Variants in CP observed in about 807,000 individuals in gnomAD.
CP encodes ceruloplasmin.
In CP, 64 loss-of-function variants were observed where a neutral mutation model predicts 122.4. The ratio of observed to expected loss-of-function variants is 0.52; its 90% CI spans 0.43 to 0.64. The LOEUF (loss-of-function observed/expected upper bound fraction) is 0.64, where lower values mean the gene tolerates loss of function less well. Ranked by LOEUF, CP falls within the 30% of genes least tolerant of loss-of-function variation. The pLI is 0.00. For synonymous variants in CP, 440 were observed against 436.4 expected (o/e 1.01, Z -0.10); for missense variants, 1,167 against 1,284.4 (o/e 0.91, Z 1.40).
intron 2 of CP, among the ~76,000 whole-genome samples, chr3:149,211,395 C>T (rs147946431): frequency 6.6e-5 from 10 of 152,284 alleles, no homozygotes; most frequent in African/African-American, 2.4e-4. Context: ...TCCAAGGTCA[C>T]TCAAACAGTG....
At position 149,202,231 on chromosome 3, in the gene CP, C is replaced by T; in HGVS notation, c.1219G>A (p.Val407Met). 6.2e-7 allele frequency: 1 copy of T among 1,614,154 alleles called. No homozygotes were observed. The highest frequency in any genetic ancestry group is 8.5e-7 in the Non-Finnish European group (1 of 1,180,024). ...NLTAPGSDSAVFFEQGTTRIG... is the reference protein window; with the variant it reads ...NLTAPGSDSAMFFEQGTTRIG... ...CTTGTGGTACCTTGTTCAAAAAACA[C>T]CGCTGAGTCACTGCAGGGGGAAAAA... Residue 407 changes from valine to methionine, a missense_variant, in exon 7 of 19, where the codon GTG becomes ATG. Val to Met is a conservative substitution (Grantham distance 21). Coordinates refer to ENST00000264613, the MANE Select transcript of CP (RefSeq NM_000096.4).
At chr3:149,186,823 T>C in intron 10 of CP, 91 bp from the exon 11 acceptor site, 1 of 1,251,688 alleles carries the variant, frequency 8.0e-7, no homozygotes. Context: ...TTTGTTTTTT[T>C]AATTTTTAAA....
chr3:149,182,489 A>G (rs34171195), intron 13 of CP, among the ~76,000 whole-genome samples: 5,789 of 152,190 alleles, frequency 0.038, 164 homozygotes, highest in Non-Finnish European at 0.06. Context: ...TCCAGCAACA[A>G]TGCCATTTTG....
At chr3:149,206,365 G>A (rs1727726619) in intron 5 of CP, 26 bp from the exon 6 acceptor site, 1 of 1,612,932 alleles carries the variant, frequency 6.2e-7, no homozygotes, top group South Asian at 1.1e-5. Context: ...AAGAGGCATT[G>A]ATTAATGAAG....
intron 1 of CP, among the ~76,000 whole-genome samples, chr3:149,213,154 T>C (rs1728222843): frequency 6.6e-6 from 1 of 152,238 alleles, no homozygotes; most frequent in Non-Finnish European, 1.5e-5. Context: ...TATGTGTGTG[T>C]ATATTTATAT....
At position 149,177,872 on chromosome 3, in the gene CP, C is replaced by G; in HGVS notation, c.2986G>C (p.Val996Leu). ...TGGAAGCTATGGCCGTGAAAATGTA[C>G]AGTGTGTAAGTCTATTTCATTGCCC... Reference protein sequence around the residue: ...GMGNEIDLHTVHFHGHSFQYK... With the variant: ...GMGNEIDLHTLHFHGHSFQYK... Residue 996 changes from valine to leucine, a missense_variant, in exon 17 of 19, where the codon GTA becomes CTA. By Grantham distance (32) the Val-to-Leu change is conservative (BLOSUM62 1). Around this residue, in one of 2 missense-constraint regions of CP, gnomAD observed 525 missense variants for 657.2 expected, o/e 0.80. Coordinates refer to ENST00000264613, the MANE Select transcript of CP (RefSeq NM_000096.4). 1 of 1,613,738 alleles carries G rather than the reference C, an allele frequency of 6.2e-7. No homozygotes were observed. Among genetic ancestry groups the G allele is most frequent in the African/African-American group, 1.3e-5 (1 of 75,018 alleles).
At chr3:149,171,908 T>C (rs966958225), downstream of CP, among the ~76,000 whole-genome samples, 1 of 152,066 alleles carries the variant, frequency 6.6e-6, no homozygotes, top group African/African-American at 2.4e-5. Context: ...GGTTTCACCA[T>C]GTTGGCCAGA....
downstream of CP, among the ~76,000 whole-genome samples, chr3:149,168,778 A>T (rs1030980126): frequency 6.6e-6 from 1 of 152,184 alleles, no homozygotes; most frequent in Non-Finnish European, 1.5e-5. Flanking sequence ...TTTTCAGAAG[A>T]TGGAAGTGTC....
intron 6 of CP, 98 bp downstream of exon 6, chr3:149,206,070 G>T: frequency 9.0e-7 from 1 of 1,107,934 alleles, no homozygotes; most frequent in East Asian, 2.4e-5. Context: ...CTCAATTTCA[G>T]ATACCAATTA....
Position 149,202,105 on chromosome 3 carries a change from G to A in CP, c.1345C>T (p.Leu449=), listed in dbSNP as rs1345522871. ...TATATATTCTGCAAGAACTCACCCA[G>A]GATGCCAAGATGCTCTTCTTCAGGG... ...RGPEEEHLGI[L]GPVIWAEVGD... is the part of the protein sequence containing the mutation. Residue 449 remains leucine, a synonymous_variant, in exon 7 of 19, where the codon CTG becomes TTG. Coordinates refer to ENST00000264613, the MANE Select transcript of CP (RefSeq NM_000096.4). 6.2e-7 allele frequency: 1 copy of A among 1,614,014 alleles called. No individual in the cohort carries two copies. The highest frequency in any genetic ancestry group is 1.7e-5 in the Admixed American group (1 of 60,010).
downstream of CP, among the ~76,000 whole-genome samples, chr3:149,170,967 T>C (rs966354460): frequency 6.6e-6 from 1 of 152,222 alleles, no homozygotes; most frequent in Non-Finnish European, 1.5e-5. Context: ...TAATGTATGT[T>C]ACATTCCTTA....
downstream of CP, chr3:149,172,001 G>A (rs1725041914): frequency 3.9e-6 from 5 of 1,284,430 alleles, no homozygotes; most frequent in Admixed American, 8.7e-5. Flanking sequence ...CACCACGCCT[G>A]GCCTGAACTG....
At chr3:149,181,975 C>CGCGGGGG in intron 14 of CP, 30 bp downstream of exon 14, 2 of 1,088,426 alleles carry the variant, frequency 1.8e-6, no homozygotes, top group Non-Finnish European at 2.7e-6. Context: ...TGTTAAAATG[C>CGCGGGGG]ACCACCCCCA....
intron 9 of CP, among the ~76,000 whole-genome samples, chr3:149,197,781 C>T (rs544195378): frequency 2.0e-5 from 3 of 152,212 alleles, no homozygotes; most frequent in South Asian, 2.1e-4. Flanking sequence ...ATAGGATTTG[C>T]GCTCGTATGA....
At chr3:149,211,178 C>A (rs954028953) in intron 2 of CP, among the ~76,000 whole-genome samples, 3 of 152,170 alleles carry the variant, frequency 2.0e-5, no homozygotes, top group Non-Finnish European at 4.4e-5. Context: ...AAACCAATAT[C>A]TCTTTTAATA....
intron 14 of CP, among the ~76,000 whole-genome samples, chr3:149,181,681 A>C (rs997008854): frequency 2.0e-5 from 3 of 152,202 alleles, no homozygotes; most frequent in African/African-American, 7.2e-5. Context: ...AGGCATGGGA[A>C]CATCCAGCCA....
intron 14 of CP, among the ~76,000 whole-genome samples, chr3:149,180,493 C>G (rs1188135408): frequency 1.3e-5 from 2 of 152,188 alleles, no homozygotes; most frequent in African/African-American, 4.8e-5. Context: ...ACTCACCAAT[C>G]CCAGCCACAC....
intron 1 of CP, among the ~76,000 whole-genome samples, chr3:149,214,980 C>T (rs1728369989): frequency 6.6e-6 from 1 of 152,142 alleles, no homozygotes; most frequent in Non-Finnish European, 1.5e-5. Flanking sequence ...AACCCTGGAC[C>T]AATCAATCTC....
rs1725559495 is a variant in CP at position 149,178,474 on chromosome 3, T to C, written c.2819A>G (p.Asp940Gly). The C allele has an allele frequency of 1.2e-6, 2 of 1,613,566 alleles. No individual in the cohort carries two copies. Among genetic ancestry groups the C allele is most frequent in the African/African-American group, 1.3e-5 (1 of 74,902 alleles). The change falls in exon 16 of 19, where the codon GAT becomes GGT. Residue 940 changes from aspartate (D) to glycine (G), a missense_variant. This residue lies in a region of CP where 525 missense variants were observed against 657.2 expected (regional missense o/e 0.80). Coordinates refer to ENST00000264613, the MANE Select transcript of CP (RefSeq NM_000096.4). ...YLDDNIKTYSDHPEKVNKDDE... is the reference protein window; with the variant it reads ...YLDDNIKTYSGHPEKVNKDDE... The stretch of plus-strand genomic sequence containing the variant: ...ATCTTTGTTTACTTTCTCGGGGTGA[T>C]CAGAGTATGTTTTGATGTTGTCATC...
Sources: gnomAD v4.1 joint callset for allele counts (sites outside exome capture counted in the v4.1 genomes callset) on GRCh38, gnomAD v4.1.1 for gene constraint, gnomAD v4.1.1 regional missense constraint, MANE v1.5 for transcripts, NCBI Gene and HGNC (gene_info 2026-07-23, HGNC 2026-07-21) for gene names.